The following GPHN variants were observed in gnomAD, a reference collection of about 807,000 sequenced individuals.
GPHN encodes gephyrin.
GPHN carries 17 observed loss-of-function variants against 95.5 expected under a neutral mutation model. That is an observed-to-expected ratio of 0.18 (90% CI 0.12 to 0.27). The LOEUF (loss-of-function observed/expected upper bound fraction) is 0.27, where lower values mean the gene tolerates loss of function less well. GPHN is among the 10% of genes least tolerant of loss of function. GPHN has a pLI of 1.00. For synonymous variants in GPHN, 320 were observed against 322.5 expected (o/e 0.99, Z 0.08); for missense variants, 660 against 978.1 (o/e 0.67, Z 4.34).
chr14:67,446,832 G>A, the GPHN span, among the ~76,000 whole-genome samples: 4 of 152,250 alleles, frequency 2.6e-5, no homozygotes, highest in Admixed American at 6.5e-5. Context: ...AGGGGTTGGC[G>A]AACTACCAGC....
chr14:66,930,247 T>C (rs1433602239), intron 8 of GPHN, among the ~76,000 whole-genome samples: 1 of 152,150 alleles, frequency 6.6e-6, no homozygotes, highest in Admixed American at 6.5e-5. Flanking sequence ...GTCTTTCTTT[T>C]TGTGAAAGTG....
intron 21 of GPHN, among the ~76,000 whole-genome samples, chr14:67,176,567 G>T (rs1222080538): frequency 6.6e-6 from 1 of 152,128 alleles, no homozygotes; most frequent in East Asian, 1.9e-4. Flanking sequence ...CCAGGCTTTG[G>T]TATCAGGATG....
intron 1 of GPHN, among the ~76,000 whole-genome samples, chr14:66,648,926 A>T (rs1282882613): frequency 6.6e-6 from 1 of 152,214 alleles, no homozygotes; most frequent in African/African-American, 2.4e-5. Context: ...GAAATCCCCA[A>T]TACTGAGACA....
intron 2 of GPHN, among the ~76,000 whole-genome samples, chr14:66,683,366 A>T (rs77370220): frequency 1.4e-3 from 18 of 12,512 alleles, no homozygotes; most frequent in African/African-American, 6.4e-3. Context: ...ATATATATAT[A>T]TATATATATA....
In GPHN at chr14:66,635,575, C is replaced by T. The variant is rs2064051998; in HGVS notation, c.65-45532C>T. Among the ~76,000 whole-genome samples, 6 of 152,144 alleles carry T rather than the reference C, an allele frequency of 3.9e-5. No individual in the cohort carries two copies. The South Asian group carries it at 1.2e-3, about 32-fold the overall frequency. The stretch of plus-strand genomic sequence containing the variant: ...TGAGTGATCCTGCATGATTGATAAT[C>T]CACACTACTGTCTCTCTAGACAGAA... On this transcript the variant is annotated intron_variant, in intron 1 of 22. Coordinates refer to ENST00000478722, the MANE Select transcript of GPHN (RefSeq NM_020806.5).
the GPHN span, among the ~76,000 whole-genome samples, chr14:67,669,860 G>A: frequency 6.6e-6 from 1 of 152,180 alleles, no homozygotes; most frequent in African/African-American, 2.4e-5. Context: ...AGCACTTTAA[G>A]AGGCTGAGGT....
rs1337458718 is a variant in GPHN, at chr14:66,515,059, AT to A, written c.64+6469del. Among the ~76,000 whole-genome samples, 3 of 152,286 alleles carry A rather than the reference AT, an allele frequency of 2.0e-5. No homozygotes were observed. In the East Asian group the frequency reaches 5.8e-4, roughly 29 times the overall value. On this transcript the variant is annotated intron_variant, in intron 1 of 22. Coordinates refer to ENST00000478722, the MANE Select transcript of GPHN (RefSeq NM_020806.5). ...TTTTCAGAACTAATAGAGGTAACGC[AT>A]ATGAAAATGCCTAGCATTTTCAGAT...
chr14:66,686,032 G>C (rs1450695033), intron 2 of GPHN, among the ~76,000 whole-genome samples: 1 of 152,160 alleles, frequency 6.6e-6, no homozygotes, highest in Non-Finnish European at 1.5e-5. Context: ...GTTTTTGTCA[G>C]GTTTGTCAAA....
chr14:66,893,258 G>A (rs945169295), intron 5 of GPHN, among the ~76,000 whole-genome samples: 6 of 152,188 alleles, frequency 3.9e-5, no homozygotes, highest in Non-Finnish European at 8.8e-5. Flanking sequence ...GCAGAAGACA[G>A]GTGATTTCTG....
the GPHN span, chr14:67,338,903 A>G: frequency 1.5e-6 from 1 of 656,792 alleles, no homozygotes; most frequent in Non-Finnish European, 2.3e-6. Flanking sequence ...ATTTTCAGTA[A>G]TTTATTTATA....
intron 1 of GPHN, among the ~76,000 whole-genome samples, chr14:66,669,246 C>T (rs1270073775): frequency 1.3e-5 from 2 of 151,816 alleles, no homozygotes; most frequent in East Asian, 2.0e-4. Context: ...TGCCTGTAAT[C>T]CCAGCTACTC....
chr14:67,016,718 G>T (rs1029575764), intron 9 of GPHN, among the ~76,000 whole-genome samples: 14 of 151,996 alleles, frequency 9.2e-5, no homozygotes, highest in Admixed American at 9.2e-4. Flanking sequence ...ATTAATCCTA[G>T]CAGAGCTAAT....
intron 2 of GPHN, among the ~76,000 whole-genome samples, chr14:66,771,170 G>C (rs530623702): frequency 2.8e-4 from 43 of 152,184 alleles, no homozygotes; most frequent in African/African-American, 9.6e-4. Context: ...ACTCTCTTCA[G>C]TTGTCACTTC....
chr14:66,523,772 A>T (rs2058572132), intron 1 of GPHN, among the ~76,000 whole-genome samples: 1 of 152,174 alleles, frequency 6.6e-6, no homozygotes, highest in African/African-American at 2.4e-5. Flanking sequence ...ATTATAATAC[A>T]TTTGAATATA....
chr14:66,972,309 G>C (rs2069859642), intron 9 of GPHN, among the ~76,000 whole-genome samples: 1 of 148,818 alleles, frequency 6.7e-6, no homozygotes, highest in South Asian at 2.2e-4. Context: ...AAAAAAGCTA[G>C]AAATAGTATT....
chr14:66,766,765 A>G (rs1332910843), intron 2 of GPHN, among the ~76,000 whole-genome samples: 2 of 152,104 alleles, frequency 1.3e-5, no homozygotes, highest in African/African-American at 4.8e-5. Context: ...TTGTATATGT[A>G]TATATACACA....
At chr14:67,578,677 T>G in the GPHN span, 2 of 1,204,530 alleles carry the variant, frequency 1.7e-6, no homozygotes, top group South Asian at 2.6e-5. This position sits in a 1 kb window ranked among gnomAD's most constrained non-coding sequence, Gnocchi z 5.0. Context: ...CACTGCCAAC[T>G]GCCGCATGAA....
the GPHN span, among the ~76,000 whole-genome samples, chr14:67,663,730 T>C: frequency 5.3e-5 from 8 of 152,284 alleles, no homozygotes; most frequent in Non-Finnish European, 8.8e-5. Flanking sequence ...TACTTGCGGA[T>C]GGCAAAAATT....
At position 66,693,273 on chromosome 14, in the gene GPHN, C is replaced by T. The variant is rs552817523; in HGVS notation, c.143+12088C>T. The stretch of plus-strand genomic sequence containing the variant: ...AATTATGCTTGGAACAATTATGTAA[C>T]TTGGAAGGAATATTTTAATAACTTT... On this transcript the variant is annotated intron_variant, in intron 2 of 22. Coordinates refer to ENST00000478722, the MANE Select transcript of GPHN (RefSeq NM_020806.5). Among the ~76,000 whole-genome samples the T allele has an allele frequency of 5.3e-4, 80 of 152,054 alleles. 2 individuals carry two copies. The South Asian group carries it at 0.015, about 29-fold the overall frequency.
Sources: gnomAD v4.1 joint callset for allele counts (sites outside exome capture counted in the v4.1 genomes callset) on GRCh38, gnomAD v4.1.1 for gene constraint, Gnocchi (gnomAD v3.1) non-coding constraint, MANE v1.5 for transcripts, NCBI Gene and HGNC (gene_info 2026-07-23, HGNC 2026-07-21) for gene names.